The following RHBDD1 variants were observed in gnomAD, a reference collection of about 807,000 sequenced individuals.
RHBDD1 encodes rhomboid domain containing 1.
Under a neutral mutation model 36.3 loss-of-function variants are expected in RHBDD1, and 38 were observed. The observed-to-expected ratio is 1.05, with a 90% CI of 0.81 to 1.37. RHBDD1 has a LOEUF of 1.37. Among genes scored for constraint, RHBDD1 ranks in the 40% most tolerant of loss-of-function variants. The probability of loss-of-function intolerance (pLI) is 0.00; values close to 1 mark genes in which losing one functional copy is unlikely to be tolerated. For synonymous variants in RHBDD1, 151 were observed against 136.5 expected, an observed-to-expected ratio of 1.11 and a Z score of -0.74; for missense variants, 393 against 377.6, an observed-to-expected ratio of 1.04 and a Z score of -0.34.
At chr2:226,974,535 C>T (rs1463075887) in intron 8 of RHBDD1, among the ~76,000 whole-genome samples, 1 of 152,152 alleles carries the variant, frequency 6.6e-6, no homozygotes, top group Admixed American at 6.5e-5. Flanking sequence ...CCGTGCCCGG[C>T]CTGGGTGTTG....
intron 3 of RHBDD1, among the ~76,000 whole-genome samples, chr2:226,857,127 G>C (rs975644372): frequency 7.2e-5 from 11 of 151,968 alleles, no homozygotes; most frequent in Non-Finnish European, 1.2e-4. Context: ...TTGGGTACAC[G>C]TGTGCTTGTG....
chr2:226,970,044 A>G (rs1283996836), intron 8 of RHBDD1, among the ~76,000 whole-genome samples: 1 of 127,594 alleles, frequency 7.8e-6, no homozygotes, highest in Non-Finnish European at 1.6e-5. Context: ...ACCTGGTCAC[A>G]TCGTCATCCC....
chr2:226,959,430 T>G (rs960528453), intron 8 of RHBDD1, among the ~76,000 whole-genome samples: 11 of 152,190 alleles, frequency 7.2e-5, no homozygotes, highest in African/African-American at 2.7e-4. Context: ...TCCACCCTTA[T>G]CCCCTACCAG....
intron 8 of RHBDD1, among the ~76,000 whole-genome samples, chr2:226,972,700 C>G (rs981141757): frequency 6.6e-6 from 1 of 152,150 alleles, no homozygotes; most frequent in Admixed American, 6.5e-5. Context: ...ATGATAGTGA[C>G]ACAACAGTGA....
intron 8 of RHBDD1, among the ~76,000 whole-genome samples, chr2:226,953,335 T>C (rs560357151): frequency 6.6e-6 from 1 of 152,296 alleles, no homozygotes; most frequent in East Asian, 1.9e-4. Flanking sequence ...AGCTGACACT[T>C]TTTGAAATTG....
At chr2:226,816,039 G>A in the RHBDD1 span, among the ~76,000 whole-genome samples, 4 of 152,212 alleles carry the variant, frequency 2.6e-5, no homozygotes, top group African/African-American at 9.6e-5. Context: ...TGTAGGTGAC[G>A]CTGCCTTCAG....
intron 5 of RHBDD1, among the ~76,000 whole-genome samples, chr2:226,890,039 T>G (rs1184239591): frequency 5.9e-5 from 9 of 152,168 alleles, no homozygotes; most frequent in Non-Finnish European, 1.2e-4. Flanking sequence ...ACCATTTCCG[T>G]GTCCCTGACC....
intron 3 of RHBDD1, among the ~76,000 whole-genome samples, chr2:226,840,422 A>C (rs1235915480): frequency 6.6e-6 from 1 of 152,222 alleles, no homozygotes; most frequent in East Asian, 1.9e-4. Flanking sequence ...CAGTAATAGA[A>C]TCTAGCTCTA....
At chr2:226,904,666 C>A (rs1947897650) in intron 5 of RHBDD1, among the ~76,000 whole-genome samples, 1 of 152,206 alleles carries the variant, frequency 6.6e-6, no homozygotes, top group Non-Finnish European at 1.5e-5. Flanking sequence ...TTGTCTCTTT[C>A]TTTCAAGTGT....
chr2:226,913,550 C>A (rs1365394631), intron 7 of RHBDD1, among the ~76,000 whole-genome samples: 1 of 152,122 alleles, frequency 6.6e-6, no homozygotes, highest in African/African-American at 2.4e-5. Context: ...TAATGGTGTA[C>A]CTAAGTTTGG....
At chr2:226,861,644 G>GATCA (rs1228709456) in intron 3 of RHBDD1, among the ~76,000 whole-genome samples, 2 of 152,204 alleles carry the variant, frequency 1.3e-5, no homozygotes, top group Non-Finnish European at 1.5e-5. Flanking sequence ...ATTATTTACT[G>GATCA]ATCAATGATC....
chr2:226,971,020 T>C (rs903566861), intron 8 of RHBDD1, among the ~76,000 whole-genome samples: 4 of 152,238 alleles, frequency 2.6e-5, no homozygotes, highest in African/African-American at 9.6e-5. Context: ...TTATAAATAG[T>C]TGAGATGGTA....
At chr2:226,932,574 G>C (rs928493199) in intron 8 of RHBDD1, among the ~76,000 whole-genome samples, 25 of 151,958 alleles carry the variant, frequency 1.6e-4, no homozygotes, top group African/African-American at 5.3e-4. Flanking sequence ...TCAGTTTCAG[G>C]TCCTCGTTTT....
intron 8 of RHBDD1, among the ~76,000 whole-genome samples, chr2:226,984,272 T>A (rs1956439480): frequency 6.6e-6 from 1 of 152,218 alleles, no homozygotes; most frequent in African/African-American, 2.4e-5. Context: ...ACCCGGTGGC[T>A]TAAACAACAG....
intron 4 of RHBDD1, 152 bp downstream of exon 4, chr2:226,865,278 G>C (rs1173045410): frequency 1.5e-6 from 1 of 660,254 alleles, no homozygotes; most frequent in South Asian, 1.9e-5. Flanking sequence ...GAGCATGCAG[G>C]GACTAGTTTT....
At chr2:226,965,923 GA>G (rs894381579) in intron 8 of RHBDD1, among the ~76,000 whole-genome samples, 20 of 144,656 alleles carry the variant, frequency 1.4e-4, no homozygotes, top group Non-Finnish European at 7.6e-5. Context: ...AAGACACAAT[GA>G]AAAAAAAAAC....
chr2:226,947,432 T>C (rs1951061828), intron 8 of RHBDD1, among the ~76,000 whole-genome samples: 2 of 151,996 alleles, frequency 1.3e-5, no homozygotes, highest in African/African-American at 4.8e-5. Context: ...GCGTTATTTC[T>C]GAGGGCTCTG....
At chr2:226,889,149 A>G (rs546566004) in intron 5 of RHBDD1, among the ~76,000 whole-genome samples, 1 of 152,320 alleles carries the variant, frequency 6.6e-6, no homozygotes, top group Non-Finnish European at 1.5e-5. Context: ...GTACTGTTTA[A>G]CACACATGGT....
chr2:226,891,666 G>A (rs1946697882), intron 5 of RHBDD1, among the ~76,000 whole-genome samples: 1 of 152,160 alleles, frequency 6.6e-6, no homozygotes, highest in Non-Finnish European at 1.5e-5. Context: ...TGCAGCTACT[G>A]TCTCCCTGGC....
Sources: allele counts gnomAD v4.1 joint callset (sites outside exome capture counted in the v4.1 genomes callset), GRCh38; gene constraint gnomAD v4.1.1; transcripts MANE v1.5; gene names NCBI Gene and HGNC (gene_info 2026-07-23, HGNC 2026-07-21).